RBM20: variants seen among roughly 807,000 people sequenced by gnomAD.
RBM20 encodes the protein RNA-binding protein 20.
In RBM20, 51 loss-of-function variants were observed where a neutral mutation model predicts 110.1. The ratio of observed to expected loss-of-function variants is 0.46; its 90% CI spans 0.37 to 0.59. RBM20 has a LOEUF of 0.59. Ranked by LOEUF, RBM20 falls within the 20% of genes least tolerant of loss-of-function variation. The pLI is 0.00. For missense variants in RBM20, 1,512 were observed against 1,574.9 expected (o/e 0.96, Z 0.68); for synonymous variants, 589 against 618.2 (o/e 0.95, Z 0.70).
intron 1 of RBM20, among the ~76,000 whole-genome samples, chr10:110,759,956 T>C (rs1843973555): frequency 6.6e-6 from 1 of 152,222 alleles, no homozygotes. Context: ...TTACTCTGCC[T>C]CCTTCCTTTG....
At position 110,781,510 on chromosome 10, in the gene RBM20, G is replaced by C. The variant is rs1064796938; in HGVS notation, c.901G>C (p.Ala301Pro). The C allele has an allele frequency of 2.6e-6, 4 of 1,551,518 alleles. No individual in the cohort carries two copies. The African/African-American group carries it at 5.5e-5, about 21-fold the overall frequency. The stretch of plus-strand genomic sequence containing the variant: ...GGCCAGCGGATTTCCAGCTGAGCAG[G>C]CTGGGGGCCTGAAAAGTGAGGTCGG... ...HVASGFPAEQAGGLKSEVGPL... is the reference protein window; with the variant it reads ...HVASGFPAEQPGGLKSEVGPL... Residue 301 changes from alanine (A) to proline (P), a missense_variant, in exon 2 of 14, where the codon GCT becomes CCT. This residue lies in a region of RBM20 where 1,149 missense variants were observed against 1,169.4 expected (regional missense o/e 0.98). Transcript: ENST00000369519.
intron 1 of RBM20, among the ~76,000 whole-genome samples, chr10:110,719,965 G>A (rs942014855): frequency 5.3e-5 from 8 of 151,932 alleles, no homozygotes; most frequent in African/African-American, 1.9e-4. Flanking sequence ...CAAATTTGAT[G>A]TCTGGTGAGG....
rs374211247 is a variant in RBM20 at position 110,644,882 on chromosome 10, T to G, written c.191+237T>G. ...TTGTTTTTCCTTATCTCCTTTCTCT[T>G]CTCTTCAGGAATGGTACTAGATATT... On this transcript the variant is annotated intron_variant, in intron 1 of 13. Transcript: ENST00000369519. This position sits in a 1 kb window ranked among gnomAD's most constrained non-coding sequence, Gnocchi z 4.3. 1.3e-5 allele frequency among the ~76,000 whole-genome samples: 2 copies of G among 152,128 alleles called. No homozygotes were observed. Among genetic ancestry groups the G allele is most frequent in the Non-Finnish European group, 2.9e-5 (2 of 68,036 alleles).
chr10:110,686,070 C>G (rs890490352), intron 1 of RBM20, among the ~76,000 whole-genome samples: 2 of 152,156 alleles, frequency 1.3e-5, no homozygotes, highest in African/African-American at 4.8e-5. Flanking sequence ...TTGACAAGTT[C>G]TTTAATCTCA....
At chr10:110,764,727 T>C (rs780317923) in intron 1 of RBM20, among the ~76,000 whole-genome samples, 5 of 152,248 alleles carry the variant, frequency 3.3e-5, no homozygotes, top group Non-Finnish European at 7.4e-5. Flanking sequence ...GTCATTGGAA[T>C]TTTCTAGGGA....
At chr10:110,738,017 T>A (rs1843689501) in intron 1 of RBM20, among the ~76,000 whole-genome samples, 1 of 152,210 alleles carries the variant, frequency 6.6e-6, no homozygotes, top group African/African-American at 2.4e-5. Flanking sequence ...TCATCATCTA[T>A]ATGCCAGGCA....
At chr10:110,758,303 C>G (rs1166455976) in intron 1 of RBM20, among the ~76,000 whole-genome samples, 1 of 152,076 alleles carries the variant, frequency 6.6e-6, no homozygotes, top group Non-Finnish European at 1.5e-5. Context: ...ATACGTGAGC[C>G]ACTGTGCCTG....
intron 13 of RBM20, among the ~76,000 whole-genome samples, chr10:110,832,412 G>C (rs1023075017): frequency 6.6e-6 from 1 of 152,130 alleles, no homozygotes; most frequent in African/African-American, 2.4e-5. Context: ...AGACTCATCT[G>C]GACAGTATTT....
At chr10:110,805,245 G>GA (rs1844679831) in intron 7 of RBM20, among the ~76,000 whole-genome samples, 1 of 152,136 alleles carries the variant, frequency 6.6e-6, no homozygotes, top group Non-Finnish European at 1.5e-5. Flanking sequence ...TGAGGGGTGT[G>GA]AAAAAGGGAA....
chr10:110,664,056 G>C (rs1462880289), intron 1 of RBM20, among the ~76,000 whole-genome samples: 1 of 152,124 alleles, frequency 6.6e-6, no homozygotes, highest in East Asian at 1.9e-4. Context: ...AAGAACTCCT[G>C]ATGTATTTTC....
chr10:110,729,311 G>A (rs1843595810), intron 1 of RBM20, among the ~76,000 whole-genome samples: 1 of 152,174 alleles, frequency 6.6e-6, no homozygotes, highest in Non-Finnish European at 1.5e-5. Context: ...CCTGCGAGGG[G>A]TTGTCTCTTC....
chr10:110,741,818 C>A (rs1334879059), intron 1 of RBM20, among the ~76,000 whole-genome samples: 2 of 152,008 alleles, frequency 1.3e-5, no homozygotes, highest in Admixed American at 6.5e-5. Flanking sequence ...ACATGACCCC[C>A]CTCCCTCCCC....
intron 1 of RBM20, among the ~76,000 whole-genome samples, chr10:110,727,839 C>A (rs1026367309): frequency 6.6e-6 from 1 of 152,084 alleles, no homozygotes; most frequent in Non-Finnish European, 1.5e-5. Flanking sequence ...GTGTGGTGTT[C>A]CCCTCCCTGT....
At chr10:110,803,493 G>C (rs1844656601) in intron 7 of RBM20, among the ~76,000 whole-genome samples, 1 of 152,150 alleles carries the variant, frequency 6.6e-6, no homozygotes, top group Non-Finnish European at 1.5e-5. Context: ...AGCATATCTA[G>C]GGTAGTGCTG....
intron 1 of RBM20, among the ~76,000 whole-genome samples, chr10:110,703,387 A>AG (rs1554891235): frequency 1.3e-5 from 2 of 151,682 alleles, no homozygotes; most frequent in African/African-American, 2.4e-5. Flanking sequence ...TCAAAAAAAA[A>AG]AAAGAAAGAA....
At chr10:110,723,462 A>G (rs1843530918) in intron 1 of RBM20, among the ~76,000 whole-genome samples, 1 of 152,210 alleles carries the variant, frequency 6.6e-6, no homozygotes, top group African/African-American at 2.4e-5. Flanking sequence ...TTGCTGGGTC[A>G]TATGGTAACT....
intron 1 of RBM20, among the ~76,000 whole-genome samples, chr10:110,728,544 A>AT (rs753934651): frequency 1.8e-4 from 28 of 151,860 alleles, no homozygotes; most frequent in Admixed American, 5.3e-4. Context: ...AGTGACTTCA[A>AT]TTTTCTCTCT....
At chr10:110,727,510 A>G (rs924601476) in intron 1 of RBM20, among the ~76,000 whole-genome samples, 1 of 152,016 alleles carries the variant, frequency 6.6e-6, no homozygotes, top group Non-Finnish European at 1.5e-5. Flanking sequence ...TTGACTTTTA[A>G]ACTTTCTATT....
chr10:110,728,320 C>T (rs1376524577), intron 1 of RBM20, among the ~76,000 whole-genome samples: 1 of 152,106 alleles, frequency 6.6e-6, no homozygotes. Context: ...CCATAAATCA[C>T]GTTATTAGAC....
Sources: gnomAD v4.1 joint callset for allele counts (sites outside exome capture counted in the v4.1 genomes callset) on GRCh38, gnomAD v4.1.1 for gene constraint, gnomAD v4.1.1 regional missense constraint, Gnocchi (gnomAD v3.1) non-coding constraint, MANE v1.5 for transcripts, NCBI Gene and HGNC (gene_info 2026-07-23, HGNC 2026-07-21) for gene names.